The following CD163 variants were observed in gnomAD, a reference collection of about 807,000 sequenced individuals.
The protein encoded by CD163 is scavenger receptor cysteine-rich type 1 protein M130.
In CD163, 64 loss-of-function variants were observed where a neutral mutation model predicts 129.2. That is an observed-to-expected ratio of 0.50 (90% CI 0.41 to 0.61). The LOEUF (loss-of-function observed/expected upper bound fraction) is 0.61, where lower values mean the gene tolerates loss of function less well. Among genes scored for constraint, CD163 ranks in the 20% least tolerant of loss-of-function variants. The pLI is 0.00. For missense variants in CD163, 1,061 were observed against 1,377.9 expected, an observed-to-expected ratio of 0.77 and a Z score of 3.64; for synonymous variants, 446 against 478.5, an observed-to-expected ratio of 0.93 and a Z score of 0.89.
intron 3 of CD163, among the ~76,000 whole-genome samples, chr12:7,500,921 T>C (rs117503660): frequency 6.8e-4 from 104 of 152,250 alleles, no homozygotes; most frequent in Non-Finnish European, 1.2e-3. Context: ...TGTATAAAAT[T>C]GAAGCCAGTC....
At chr12:7,494,788 A>G (rs948215129) in intron 6 of CD163, among the ~76,000 whole-genome samples, 4 of 152,192 alleles carry the variant, frequency 2.6e-5, no homozygotes, top group African/African-American at 9.7e-5. Context: ...TCTTTTGGTG[A>G]CATCCTGTGA....
chr12:7,503,678 T>C lies in CD163; in HGVS notation c.13A>G (p.Arg5Gly). MSKLRMVLLEDSGSA... is the reference protein window; with the variant it reads MSKLGMVLLEDSGSA... ...CCAGAGTCTTCAAGTAGCACCATTCTGAGTTTGCTCATTCCAAAGATTTAT... is the reference window on the plus strand; with the variant it reads ...CCAGAGTCTTCAAGTAGCACCATTCCGAGTTTGCTCATTCCAAAGATTTAT... Residue 5 changes from arginine to glycine, a missense_variant, in exon 1 of 17, where the codon AGA (arginine) becomes GGA (glycine). By Grantham distance (125) the Arg-to-Gly change is moderately radical. Coordinates refer to ENST00000432237, the MANE Select transcript of CD163 (RefSeq NM_203416.4). The C allele has an allele frequency of 1.2e-6, 2 of 1,600,684 alleles. No individual in the cohort carries two copies. The highest frequency in any genetic ancestry group is 1.7e-6 in the Non-Finnish European group (2 of 1,170,110).
chr12:7,502,347 T>C (rs1949502453), intron 2 of CD163, 131 bp downstream of exon 2: 5 of 735,996 alleles, frequency 6.8e-6, no homozygotes, highest in South Asian at 4.6e-5. Flanking sequence ...TAATAATATC[T>C]GATCCTTTGA....
intron 6 of CD163, among the ~76,000 whole-genome samples, chr12:7,491,871 G>T (rs371578320): frequency 3.9e-5 from 6 of 152,052 alleles, no homozygotes; most frequent in African/African-American, 1.4e-4. Flanking sequence ...TAATTTTGTG[G>T]CCAAAATTTC....
intron 15 of CD163, 132 bp from the exon 16 acceptor site, chr12:7,480,045 C>G (rs777140419): frequency 6.4e-7 from 1 of 1,569,550 alleles, no homozygotes; most frequent in Non-Finnish European, 8.6e-7. Context: ...CCTCTTCTCA[C>G]GTAACTGTGA....
Position 7,475,612 on chromosome 12 carries a change from A to T in CD163, c.*32-4215T>A, listed in dbSNP as rs780000239. 1.0e-3 allele frequency among the ~76,000 whole-genome samples: 159 copies of T among 152,320 alleles called. 1 individual carries two copies. The highest frequency in any genetic ancestry group is 0.01 in the Middle Eastern group (3 of 294). On this transcript the variant is annotated intron_variant, in intron 16 of 16. Transcript: ENST00000432237. ...CTCAAAATAATAAGAGCTAATTATG[A>T]CAAACCCATAGCCAATATAATATTG...
chr12:7,489,819 ATTC>A (rs1949303813), intron 6 of CD163, among the ~76,000 whole-genome samples: 1 of 152,048 alleles, frequency 6.6e-6, no homozygotes, highest in Non-Finnish European at 1.5e-5. Flanking sequence ...ATAAACACTA[ATTC>A]TTTAGTACAC....
chr12:7,473,556 C>G (rs139172876), intron 16 of CD163, among the ~76,000 whole-genome samples: 484 of 152,266 alleles, frequency 3.2e-3, no homozygotes, highest in Non-Finnish European at 5.7e-3. Context: ...GCCTGCCTTA[C>G]AAGAGCTCCT....
At chr12:7,491,575 T>C (rs931467949) in intron 6 of CD163, among the ~76,000 whole-genome samples, 1 of 152,064 alleles carries the variant, frequency 6.6e-6, no homozygotes, top group African/African-American at 2.4e-5. Flanking sequence ...GAAAAATAAA[T>C]AGATCTACAA....
chr12:7,503,669 G>A lies in CD163; in HGVS notation c.22C>T (p.Leu8=), dbSNP rs1427792898. The A allele has an allele frequency of 1.9e-6, 3 of 1,602,792 alleles. No homozygotes were observed. The highest frequency in any genetic ancestry group is 2.6e-6 in the Non-Finnish European group (3 of 1,172,152). MSKLRMV[L]LEDSGSADFR... The stretch of plus-strand genomic sequence containing the variant: ...CCAGCAGATCCAGAGTCTTCAAGTA[G>A]CACCATTCTGAGTTTGCTCATTCCA... Residue 8 remains leucine (L), a synonymous_variant, in exon 1 of 17, where the codon CTA becomes TTA. Transcript: ENST00000432237.
intron 10 of CD163, 102 bp downstream of exon 10, chr12:7,486,397 G>C: frequency 8.6e-7 from 1 of 1,165,948 alleles, no homozygotes; most frequent in African/African-American, 1.5e-5. Context: ...AGTTCCTTTT[G>C]GATCAACTTT....
Position 7,496,712 on chromosome 12 carries a change from A to T in CD163, c.1099+101T>A. 1 of 928,526 alleles carries T rather than the reference A, an allele frequency of 1.1e-6. No individual in the cohort carries two copies. The highest frequency in any genetic ancestry group is 1.6e-5 in the African/African-American group (1 of 60,768). The allele number at this position is 928,526 out of a possible 1,614,324, so 57.5% of individuals were successfully genotyped here. On this transcript the variant is annotated intron_variant, in intron 5 of 16. Coordinates refer to ENST00000432237, the MANE Select transcript of CD163 (RefSeq NM_203416.4). This position sits in a 1 kb window ranked among gnomAD's most constrained non-coding sequence, Gnocchi z 4.8. ...AGCAAGGAATTTACTAGGCATTTCT[A>T]CTTCTTAAGGAGCACGTTCCTACTC...
intron 6 of CD163, among the ~76,000 whole-genome samples, chr12:7,490,045 T>C (rs1949307228): frequency 6.6e-6 from 1 of 152,040 alleles, no homozygotes. Flanking sequence ...TTCTCACTAA[T>C]AGCCTTCTCC....
At chr12:7,473,963 A>C (rs1949046169) in intron 16 of CD163, among the ~76,000 whole-genome samples, 1 of 152,210 alleles carries the variant, frequency 6.6e-6, no homozygotes, top group Non-Finnish European at 1.5e-5. Flanking sequence ...AAGCCAATAA[A>C]GATTAAAAAA....
In CD163 at chr12:7,486,735, C is replaced by T; in HGVS notation, c.2222G>A (p.Gly741Asp). ...GTCCCAGCTGTCATCACAGATGGTG[C>T]CCCAGGAGCCCTCATGATAGATCTC... The part of the protein sequence containing the change: ...RVEIYHEGSW[G>D]TICDDSWDLS... The change falls in exon 10 of 17, where the codon GGC (glycine) becomes GAC (aspartate). Residue 741 changes from glycine to aspartate, a missense_variant. Transcript: ENST00000432237. The T allele has an allele frequency of 6.2e-7, 1 of 1,614,170 alleles. No individual in the cohort carries two copies.
At chr12:7,480,941 A>G in intron 15 of CD163, 1 of 1,228,400 alleles carries the variant, frequency 8.1e-7, no homozygotes, top group Non-Finnish European at 1.0e-6. Flanking sequence ...TACCTCTATC[A>G]GGAATAATCA....
In CD163 at chr12:7,486,754, A is replaced by G; in HGVS notation, c.2203T>C (p.Tyr735His). The G allele has an allele frequency of 3.7e-6, 6 of 1,614,110 alleles. No homozygotes were observed. Among genetic ancestry groups the G allele is most frequent in the Non-Finnish European group, 5.1e-6 (6 of 1,179,964 alleles). ...GGRCAGRVEIYHEGSWGTICD... is the reference protein window; with the variant it reads ...GGRCAGRVEIHHEGSWGTICD... ...ATGGTGCCCCAGGAGCCCTCATGATAGATCTCTACTCTCCCAGCACAGCGA... is the reference window on the plus strand; with the variant it reads ...ATGGTGCCCCAGGAGCCCTCATGATGGATCTCTACTCTCCCAGCACAGCGA... Residue 735 changes from tyrosine to histidine, a missense_variant, in exon 10 of 17, where the codon TAT (tyrosine) becomes CAT (histidine). Tyr to His is a moderately conservative substitution (Grantham distance 83, BLOSUM62 2). Transcript: ENST00000432237.
chr12:7,483,797 G>A (rs1257612274), intron 11 of CD163, 122 bp from the exon 12 acceptor site: 6 of 241,158 alleles, frequency 2.5e-5, no homozygotes, highest in Admixed American at 1.6e-4. Flanking sequence ...TTTACTGAAT[G>A]TGCATATTAA....
At chr12:7,477,982 T>C (rs11054130) in intron 16 of CD163, among the ~76,000 whole-genome samples, 17,207 of 152,178 alleles carry the variant, frequency 0.11, 1,276 homozygotes, top group Admixed American at 0.25. Flanking sequence ...ATTTTATAGA[T>C]GTAAGCATTG....
Sources: gnomAD v4.1 joint callset for allele counts (sites outside exome capture counted in the v4.1 genomes callset) on GRCh38, gnomAD v4.1.1 for gene constraint, Gnocchi (gnomAD v3.1) non-coding constraint, MANE v1.5 for transcripts, NCBI Gene and HGNC (gene_info 2026-07-23, HGNC 2026-07-21) for gene names.